The following PARN variants were observed in gnomAD, a reference collection of about 807,000 sequenced individuals.
The protein encoded by PARN is poly(A)-specific ribonuclease.
PARN carries 71 observed loss-of-function variants against 102.8 expected under a neutral mutation model. The ratio of observed to expected loss-of-function variants is 0.69; its 90% CI spans 0.57 to 0.84. The LOEUF (loss-of-function observed/expected upper bound fraction) is 0.84. Among genes scored for constraint, PARN ranks in the 40% least tolerant of loss-of-function variants. The pLI is 0.00. For missense variants in PARN, 782 were observed against 760.9 expected, an observed-to-expected ratio of 1.03 and a Z score of -0.33; for synonymous variants, 261 against 252.9, an observed-to-expected ratio of 1.03 and a Z score of -0.30.
chr16:14,584,473 ATAT>A, intron 15 of PARN, 51 bp from the exon 16 acceptor site: 1 of 1,446,430 alleles, frequency 6.9e-7, no homozygotes, highest in East Asian at 2.3e-5. Context: ...TCAGAACAAT[ATAT>A]TAAAGAGATT....
intron 3 of PARN, 55 bp from the exon 4 acceptor site, chr16:14,627,391 C>A: frequency 7.9e-7 from 1 of 1,268,994 alleles, no homozygotes; most frequent in Non-Finnish European, 1.1e-6. Context: ...TCCATGTGAG[C>A]ATAGCATTCT....
At chr16:14,553,091 A>G (rs1243540559) in intron 20 of PARN, among the ~76,000 whole-genome samples, 1 of 151,592 alleles carries the variant, frequency 6.6e-6, no homozygotes, top group Non-Finnish European at 1.5e-5. Flanking sequence ...GTGAAAGTCT[A>G]CTATTCTAAA....
chr16:14,610,635 G>A lies in PARN; in HGVS notation c.554+9C>T. On this transcript the variant is annotated intron_variant, in intron 7 of 23. Coordinates refer to ENST00000437198, the MANE Select transcript of PARN (RefSeq NM_002582.4). ...ACAATGCACGCTTAGTTTTAATTTAGGAACTTACACCACTTGGTCAATAAA... is the reference window on the plus strand; with the variant it reads ...ACAATGCACGCTTAGTTTTAATTTAAGAACTTACACCACTTGGTCAATAAA... The A allele has an allele frequency of 6.3e-7, 1 of 1,576,216 alleles. No individual in the cohort carries two copies. Among genetic ancestry groups the A allele is most frequent in the Non-Finnish European group, 8.7e-7 (1 of 1,145,770 alleles).
intron 21 of PARN, among the ~76,000 whole-genome samples, chr16:14,544,542 TCCTG>T (rs1223512239): frequency 6.6e-6 from 1 of 152,020 alleles, no homozygotes; most frequent in Admixed American, 6.6e-5. Flanking sequence ...ACCACTGCAC[TCCTG>T]CCTGGGCAAC....
At chr16:14,531,751 G>A (rs905111375) in intron 21 of PARN, among the ~76,000 whole-genome samples, 17 of 151,564 alleles carry the variant, frequency 1.1e-4, no homozygotes, top group Non-Finnish European at 2.4e-4. Context: ...GCTTTCCAAG[G>A]GCAGCTCTAT....
rs560984357 is a variant in PARN at position 14,501,952 on chromosome 16, G to A, written c.1481-19125C>T. Among the ~76,000 whole-genome samples the A allele has an allele frequency of 1.1e-3, 160 of 152,278 alleles. 1 individual carries two copies. Among genetic ancestry groups the A allele is most frequent in the Non-Finnish European group, 4.0e-4 (27 of 68,016 alleles). On this transcript the variant is annotated intron_variant, in intron 21 of 23. Coordinates refer to ENST00000437198, the MANE Select transcript of PARN (RefSeq NM_002582.4). Reference sequence around the variant, plus strand: ...ACACCTTGCACTCAGCTCTCTAGAGGCCTTAGCTAAATGCTGTTTAGATTA... The same window carrying A: ...ACACCTTGCACTCAGCTCTCTAGAGACCTTAGCTAAATGCTGTTTAGATTA...
intron 13 of PARN, among the ~76,000 whole-genome samples, chr16:14,588,704 C>T (rs1337655455): frequency 1.3e-5 from 2 of 151,444 alleles, no homozygotes; most frequent in African/African-American, 2.4e-5. Flanking sequence ...ATGGTGAAAT[C>T]CCATCTCCAC....
intron 8 of PARN, 69 bp from the exon 9 acceptor site, chr16:14,608,388 G>T: frequency 2.0e-6 from 2 of 986,394 alleles, no homozygotes; most frequent in Non-Finnish European, 3.1e-6. Flanking sequence ...TCAAGCATTT[G>T]TTGAGAAGGA....
intron 22 of PARN, among the ~76,000 whole-genome samples, chr16:14,451,632 T>G (rs1337035538): frequency 4.6e-5 from 7 of 151,870 alleles, no homozygotes; most frequent in Admixed American, 4.6e-4. Context: ...GGAGGGTAGG[T>G]AGGGATTGAC....
intron 21 of PARN, among the ~76,000 whole-genome samples, chr16:14,549,276 G>C (rs1469994223): frequency 6.6e-6 from 1 of 152,084 alleles, no homozygotes; most frequent in African/African-American, 2.4e-5. Flanking sequence ...CTTAACCTAG[G>C]AGGAAAAAAG....
chr16:14,559,999 G>C (rs542226751), intron 18 of PARN, among the ~76,000 whole-genome samples: 1 of 152,208 alleles, frequency 6.6e-6, no homozygotes, highest in Non-Finnish European at 1.5e-5. Flanking sequence ...ATGCTGTTTG[G>C]AAGCCACTGC....
chr16:14,464,849 G>A (rs1347851325), intron 22 of PARN, among the ~76,000 whole-genome samples: 1 of 151,928 alleles, frequency 6.6e-6, no homozygotes, highest in African/African-American at 2.4e-5. Context: ...TTGAGCCCAG[G>A]AATTGGAGAC....
chr16:14,490,988 G>T (rs1027701296), intron 21 of PARN, among the ~76,000 whole-genome samples: 1 of 151,956 alleles, frequency 6.6e-6, no homozygotes, highest in Admixed American at 6.6e-5. Context: ...ATTTTCCTGT[G>T]TTCAGAAAAA....
At chr16:14,608,411 A>G (rs2151794191) in intron 8 of PARN, 92 bp from the exon 9 acceptor site, 1 of 818,390 alleles carries the variant, frequency 1.2e-6, no homozygotes, top group Non-Finnish European at 2.0e-6. Flanking sequence ...TCGCTTTAAA[A>G]AGAGACTTCA....
chr16:14,473,302 C>T (rs1432206133), intron 22 of PARN, among the ~76,000 whole-genome samples: 2 of 152,106 alleles, frequency 1.3e-5, no homozygotes, highest in African/African-American at 2.4e-5. Flanking sequence ...TCAGTGGTTT[C>T]AAAGGTGTCA....
At chr16:14,503,418 G>A (rs1029607210) in intron 21 of PARN, among the ~76,000 whole-genome samples, 47 of 151,542 alleles carry the variant, frequency 3.1e-4, no homozygotes, top group African/African-American at 1.1e-3. Context: ...TGATAGAAAC[G>A]CACGTATCAT....
At chr16:14,529,474 G>A (rs1966199313) in intron 21 of PARN, among the ~76,000 whole-genome samples, 1 of 152,140 alleles carries the variant, frequency 6.6e-6, no homozygotes, top group Non-Finnish European at 1.5e-5. Flanking sequence ...GTAACTGTAG[G>A]TCACTACTGG....
At chr16:14,501,059 C>G (rs990059154) in intron 21 of PARN, among the ~76,000 whole-genome samples, 2 of 151,958 alleles carry the variant, frequency 1.3e-5, no homozygotes, top group Non-Finnish European at 2.9e-5. Flanking sequence ...ATAAAAAAGA[C>G]CATCTGTTCA....
At chr16:14,518,289 C>A (rs2151647427) in intron 21 of PARN, among the ~76,000 whole-genome samples, 2 of 65,248 alleles carry the variant, frequency 3.1e-5, no homozygotes, top group Non-Finnish European at 5.8e-5. Context: ...AAGACCCTGT[C>A]TCAAAAAAAA....
Sources: gnomAD v4.1 joint callset for allele counts (sites outside exome capture counted in the v4.1 genomes callset) on GRCh38, gnomAD v4.1.1 for gene constraint, MANE v1.5 for transcripts, NCBI Gene and HGNC (gene_info 2026-07-23, HGNC 2026-07-21) for gene names.